The following KCNQ5 variants were observed in gnomAD, a reference collection of about 807,000 sequenced individuals.
KCNQ5 encodes potassium voltage-gated channel subfamily Q member 5, also known as potassium voltage-gated channel subfamily KQT member 5.
A neutral mutation model predicts 98.2 loss-of-function variants in KCNQ5; 30 were observed. The observed-to-expected ratio is 0.31, with a 90% confidence interval of 0.23 to 0.41. KCNQ5 has a LOEUF of 0.41. KCNQ5 is among the 10% of genes least tolerant of loss of function. The pLI is 1.00. For missense variants in KCNQ5, 835 were observed against 1,182.5 expected (o/e 0.71, Z 4.31); for synonymous variants, 458 against 449.4 (o/e 1.02, Z -0.24).
At chr6:72,657,498 C>T (rs770022744) in intron 1 of KCNQ5, among the ~76,000 whole-genome samples, 4 of 152,172 alleles carry the variant, frequency 2.6e-5, no homozygotes, top group Admixed American at 6.5e-5. Flanking sequence ...TGCACTTTCT[C>T]AGACCGCAAG....
chr6:72,632,749 A>G (rs1387814747), intron 1 of KCNQ5, among the ~76,000 whole-genome samples: 1 of 152,166 alleles, frequency 6.6e-6, no homozygotes, highest in Non-Finnish European at 1.5e-5. Context: ...GTTGCGGCAA[A>G]GGACATGATT....
intron 1 of KCNQ5, among the ~76,000 whole-genome samples, chr6:72,801,624 A>G (rs1278932716): frequency 5.0e-4 from 67 of 133,572 alleles, no homozygotes; most frequent in Middle Eastern, 3.7e-3. Flanking sequence ...TAGTCCATTT[A>G]CATTTAAAGT....
intron 1 of KCNQ5, among the ~76,000 whole-genome samples, chr6:72,859,545 G>T (rs902383364): frequency 6.6e-6 from 1 of 150,924 alleles, no homozygotes; most frequent in African/African-American, 2.4e-5. Flanking sequence ...ATTTTTTCTT[G>T]TGTCTTGTGC....
intron 1 of KCNQ5, among the ~76,000 whole-genome samples, chr6:72,831,641 G>T (rs908860089): frequency 6.6e-6 from 1 of 151,496 alleles, no homozygotes; most frequent in East Asian, 1.9e-4. Context: ...TGACCAGTTA[G>T]TGGGTGCAGC....
intron 1 of KCNQ5, among the ~76,000 whole-genome samples, chr6:72,869,233 T>C (rs1474552597): frequency 6.6e-6 from 1 of 152,162 alleles, no homozygotes; most frequent in Non-Finnish European, 1.5e-5. Context: ...AATTAGTGCT[T>C]ACCTATAGTG....
chr6:72,790,071 G>T (rs768342923), intron 1 of KCNQ5, among the ~76,000 whole-genome samples: 11 of 152,160 alleles, frequency 7.2e-5, no homozygotes, highest in African/African-American at 2.7e-4. Context: ...GACAAAACGG[G>T]CATGTCTCTC....
At chr6:73,163,700 A>G (rs1348115177) in intron 10 of KCNQ5, among the ~76,000 whole-genome samples, 2 of 152,256 alleles carry the variant, frequency 1.3e-5, no homozygotes, top group African/African-American at 2.4e-5. Context: ...GTGAGCCAAG[A>G]TCGCGCCACT....
chr6:72,935,064 C>CTTT (rs59215198), intron 1 of KCNQ5, among the ~76,000 whole-genome samples: 305 of 99,194 alleles, frequency 3.1e-3, no homozygotes, highest in Non-Finnish European at 3.6e-3. Flanking sequence ...CTTGTTCTAT[C>CTTT]TTTTTTTTTT....
chr6:72,858,829 A>G (rs1777636547), intron 1 of KCNQ5, among the ~76,000 whole-genome samples: 1 of 152,132 alleles, frequency 6.6e-6, no homozygotes, highest in African/African-American at 2.4e-5. Context: ...CATTCAAAAG[A>G]GCATAAAAAC....
At chr6:72,851,883 T>A (rs1272721379) in intron 1 of KCNQ5, among the ~76,000 whole-genome samples, 2 of 152,128 alleles carry the variant, frequency 1.3e-5, no homozygotes, top group Non-Finnish European at 2.9e-5. Flanking sequence ...TAGATATCAA[T>A]AAATTTGTTA....
intron 1 of KCNQ5, among the ~76,000 whole-genome samples, chr6:72,732,516 A>G (rs9351938): frequency 0.25 from 37,743 of 152,108 alleles, 5,426 homozygotes; most frequent in East Asian, 0.52. Context: ...GGTTTATTCA[A>G]GGGCTTTGCC....
intron 2 of KCNQ5, among the ~76,000 whole-genome samples, chr6:73,013,440 T>C (rs1202512516): frequency 2.0e-5 from 3 of 152,164 alleles, no homozygotes; most frequent in African/African-American, 7.2e-5. Flanking sequence ...TGTATGAAAC[T>C]GTGTGTCCAC....
intron 3 of KCNQ5, among the ~76,000 whole-genome samples, chr6:73,065,592 C>T (rs1773013425): frequency 6.6e-6 from 1 of 152,184 alleles, no homozygotes; most frequent in South Asian, 2.1e-4. Context: ...AAACCCTTTC[C>T]CTGCCGCTAT....
rs933218294 is a variant in KCNQ5, at chr6:72,654,089, T to C, written c.398+31502T>C. The stretch of plus-strand genomic sequence containing the variant: ...AACCCAGAATAAGACAATAGGAACA[T>C]AAAAATAGAAATGATCATCATTTTA... On this transcript the variant is annotated intron_variant, in intron 1 of 13. Coordinates refer to ENST00000370398, the MANE Select transcript of KCNQ5 (RefSeq NM_019842.4). Among the ~76,000 whole-genome samples the C allele has an allele frequency of 4.6e-5, 7 of 151,928 alleles. No individual in the cohort carries two copies. The East Asian group carries it at 5.8e-4, about 13-fold the overall frequency.
At chr6:72,903,281 C>A (rs1344910325) in intron 1 of KCNQ5, among the ~76,000 whole-genome samples, 4 of 151,952 alleles carry the variant, frequency 2.6e-5, no homozygotes, top group African/African-American at 7.3e-5. Flanking sequence ...TTCAAATAAC[C>A]AGCTTTTTGT....
chr6:72,665,156 T>G (rs1283060865), intron 1 of KCNQ5, among the ~76,000 whole-genome samples: 1 of 152,022 alleles, frequency 6.6e-6, no homozygotes, highest in East Asian at 1.9e-4. Context: ...GAGACCAGCC[T>G]GGCCAACGTG....
At chr6:73,176,839 T>A (rs1168090745) in intron 11 of KCNQ5, among the ~76,000 whole-genome samples, 2 of 152,194 alleles carry the variant, frequency 1.3e-5, no homozygotes, top group Non-Finnish European at 2.9e-5. Flanking sequence ...GGTGGATCTC[T>A]GGATCTGACA....
At chr6:72,987,792 G>C (rs1264945289) in intron 1 of KCNQ5, 7 of 419,876 alleles carry the variant, frequency 1.7e-5, no homozygotes, top group Non-Finnish European at 2.2e-5. Context: ...CAATTGCTTT[G>C]ATTATCCCAT....
chr6:73,055,531 T>C, intron 3 of KCNQ5: 2 of 1,497,288 alleles, frequency 1.3e-6, no homozygotes, highest in Non-Finnish European at 1.9e-6. Context: ...TCACAGAAAA[T>C]CACCTACCCT....
Sources: gnomAD v4.1 joint callset for allele counts (sites outside exome capture counted in the v4.1 genomes callset) on GRCh38, gnomAD v4.1.1 for gene constraint, MANE v1.5 for transcripts, NCBI Gene and HGNC (gene_info 2026-07-23, HGNC 2026-07-21) for gene names.